The following LSM14A variants were observed in gnomAD, a reference collection of about 807,000 sequenced individuals.
LSM14A encodes the protein protein LSM14 homolog A.
Under a neutral mutation model 52.4 loss-of-function variants are expected in LSM14A, and 14 were observed. The ratio of observed to expected loss-of-function variants is 0.27; its 90% CI spans 0.18 to 0.42. The LOEUF (loss-of-function observed/expected upper bound fraction) is 0.42. Among genes scored for constraint, LSM14A ranks in the 10% least tolerant of loss-of-function variants. LSM14A has a pLI of 1.00. For synonymous variants in LSM14A, 185 were observed against 200.3 expected (o/e 0.92, Z 0.64); for missense variants, 417 against 581.8 (o/e 0.72, Z 2.91).
chr19:34,215,087 C>T, intron 4 of LSM14A, 37 bp from the exon 5 acceptor site: 1 of 1,548,816 alleles, frequency 6.5e-7, no homozygotes, highest in East Asian at 2.3e-5. Flanking sequence ...TTGAAATCCC[C>T]AATAGGGTAG....
intron 2 of LSM14A, among the ~76,000 whole-genome samples, chr19:34,195,997 A>G (rs1398653467): frequency 6.6e-6 from 1 of 152,212 alleles, no homozygotes; most frequent in Admixed American, 6.5e-5. Context: ...CAGTGAGTGT[A>G]TGTCCTGGTA....
chr19:34,174,592 C>CT (rs1303456381), intron 1 of LSM14A, among the ~76,000 whole-genome samples: 1 of 152,192 alleles, frequency 6.6e-6, no homozygotes, highest in East Asian at 1.9e-4. Context: ...TTATTAAAGA[C>CT]TTTCCCAGTG....
At chr19:34,187,208 C>T (rs1016094129) in intron 1 of LSM14A, among the ~76,000 whole-genome samples, 7 of 150,660 alleles carry the variant, frequency 4.6e-5, no homozygotes, top group African/African-American at 1.7e-4. Flanking sequence ...GAGATCGCGC[C>T]ACTGCACTCC....
intron 9 of LSM14A, chr19:34,226,293 T>C: frequency 9.4e-7 from 1 of 1,060,220 alleles, no homozygotes; most frequent in African/African-American, 1.7e-5. Flanking sequence ...CAACAAGGTG[T>C]CTGAATGACT....
intron 6 of LSM14A, among the ~76,000 whole-genome samples, chr19:34,218,284 G>A (rs1599718701): frequency 6.6e-6 from 1 of 152,244 alleles, no homozygotes; most frequent in Non-Finnish European, 1.5e-5. Context: ...GGTTACAGGC[G>A]TGAGCCACCG....
chr19:34,227,818 G>GTGTGTGTGTGTGTGTGTGTGTGTGTGTA lies in LSM14A; in HGVS notation c.*441_*442insGTGTGTGTGTGTGTGTATGTGTGTGTGT, dbSNP rs1359362417. On this transcript the variant is annotated 3_prime_UTR_variant, in exon 10 of 10. Transcript: ENST00000544216. ...TGTGTGTGTGTGTGTGTGTGTGTGT[G>GTGTGTGTGTGTGTGTGTGTGTGTGTGTA]TGTGTGTGTGTATGTGTGTGTCTTT... is the stretch of plus-strand genomic sequence containing the variant. 6.2e-6 allele frequency: 1 copy of GTGTGTGTGTGTGTGTGTGTGTGTGTGTA among 160,274 alleles called. No individual in the cohort carries two copies. The highest frequency in any genetic ancestry group is 1.8e-4 in the East Asian group (1 of 5,568). 9.9% of individuals were successfully genotyped at this position (160,274 alleles called of 1,614,324 possible). A position where few individuals can be genotyped will look rare whatever the true frequency, so the allele number is the denominator to read the frequency against.
At position 34,227,788 on chromosome 19, in the gene LSM14A, G is replaced by T. The variant is rs1230129118; in HGVS notation, c.*400G>T. ...TGATACTGTGTTTTGAGCCACAGAAGGTTGTGTGTGTGTGTGTGTGTGTGT... is the reference window on the plus strand; with the variant it reads ...TGATACTGTGTTTTGAGCCACAGAATGTTGTGTGTGTGTGTGTGTGTGTGT... On this transcript the variant is annotated 3_prime_UTR_variant, in exon 10 of 10. Transcript: ENST00000544216. 1 of 165,616 alleles carries T rather than the reference G, an allele frequency of 6.0e-6. No homozygotes were observed. Among genetic ancestry groups the T allele is most frequent in the Non-Finnish European group, 1.2e-5 (1 of 83,892 alleles). 10.3% of individuals were successfully genotyped at this position (165,616 alleles called of 1,614,324 possible). A position where few individuals can be genotyped will look rare whatever the true frequency, so the allele number is the denominator to read the frequency against.
Position 34,227,167 on chromosome 19 carries a change from A to G in LSM14A, c.1369-198A>G, listed in dbSNP as rs569471466. Among the ~76,000 whole-genome samples the G allele has an allele frequency of 3.2e-4, 49 of 152,324 alleles. No homozygotes were observed. The South Asian group carries it at 6.4e-3, about 20-fold the overall frequency. On this transcript the variant is annotated intron_variant, in intron 9 of 9. Coordinates refer to ENST00000544216, the MANE Select transcript of LSM14A (RefSeq NM_015578.4). ...TGCATTAACCTCTACTGACTGGAAG[A>G]TGCAGTCAACAATGAGGTACTACTG...
At chr19:34,226,634 A>T (rs1048338631) in intron 9 of LSM14A, among the ~76,000 whole-genome samples, 1 of 152,202 alleles carries the variant, frequency 6.6e-6, no homozygotes, top group African/African-American at 2.4e-5. Context: ...AGTCTCACCT[A>T]GGAAATGTCT....
At chr19:34,208,234 G>A (rs1252753867) in intron 3 of LSM14A, 2 of 152,162 alleles carry the variant, frequency 1.3e-5, no homozygotes, top group African/African-American at 4.8e-5. Flanking sequence ...TTGTGGAAGG[G>A]GGAGGTACTG....
chr19:34,189,081 C>T (rs550056796), intron 1 of LSM14A, among the ~76,000 whole-genome samples: 125 of 152,246 alleles, frequency 8.2e-4, no homozygotes, highest in Non-Finnish European at 1.0e-3. Flanking sequence ...AGGGTGGGGA[C>T]ATAAATATAA....
chr19:34,192,319 G>GTTGTTGTTTTTTTTTTTTTTTT (rs60512063), intron 1 of LSM14A, among the ~76,000 whole-genome samples: 1 of 53,410 alleles, frequency 1.9e-5, no homozygotes, highest in African/African-American at 8.1e-5. Context: ...TCTTTTTGTT[G>GTTGTTGTTTTTTTTTTTTTTTT]TTTTTTTTTT....
chr19:34,221,901 A>C, intron 9 of LSM14A, 163 bp downstream of exon 9: 1 of 1,335,722 alleles, frequency 7.5e-7, no homozygotes. Flanking sequence ...TGTATATATA[A>C]AGACATTATA....
chr19:34,217,066 C>T (rs891285854), intron 6 of LSM14A, among the ~76,000 whole-genome samples: 3 of 152,030 alleles, frequency 2.0e-5, no homozygotes, highest in Admixed American at 6.6e-5. Context: ...TTGAGATCAG[C>T]CTGGCCATAC....
chr19:34,220,927 G>A (rs943598010), intron 8 of LSM14A, among the ~76,000 whole-genome samples: 16 of 152,036 alleles, frequency 1.1e-4, no homozygotes, highest in African/African-American at 3.9e-4. Context: ...CATTATATCT[G>A]AATTTCCATT....
At chr19:34,197,441 T>C (rs1272965344) in intron 3 of LSM14A, among the ~76,000 whole-genome samples, 3 of 138,660 alleles carry the variant, frequency 2.2e-5, no homozygotes, top group East Asian at 2.0e-4. Flanking sequence ...CTTTTTTTTT[T>C]TTTTTTTTTT....
intron 1 of LSM14A, among the ~76,000 whole-genome samples, chr19:34,173,864 G>A (rs974367461): frequency 6.6e-6 from 1 of 152,162 alleles, no homozygotes; most frequent in East Asian, 1.9e-4. Context: ...TTTAAAAATC[G>A]TTAACAGATA....
Position 34,215,256 on chromosome 19 carries a change from C to T in LSM14A, c.671C>T (p.Pro224Leu). ...AGTCCTGTATCAACCAGGCCTTTGCCATCTGCCAGCCAAAAGGCAGGAGAG... is the reference window on the plus strand; with the variant it reads ...AGTCCTGTATCAACCAGGCCTTTGCTATCTGCCAGCCAAAAGGCAGGAGAG... ...RRSPVSTRPL[P>L]SASQKAGENQ... The change falls in exon 5 of 10, where the codon CCA becomes CTA. Residue 224 changes from proline (P) to leucine (L), a missense_variant. Around this residue, in one of 2 missense-constraint regions of LSM14A, gnomAD observed 357 missense variants for 457.0 expected, o/e 0.78. Transcript: ENST00000544216. 1 of 1,613,946 alleles carries T rather than the reference C, an allele frequency of 6.2e-7. No individual in the cohort carries two copies. The highest frequency in any genetic ancestry group is 1.1e-5 in the South Asian group (1 of 91,022).
Position 34,172,632 on chromosome 19 carries a change from G to C in LSM14A, c.-11G>C, listed in dbSNP as rs776855289. ...TCTCTGCGAGCAGCTGGGAGCGGCG[G>C]CGGCGGCGCCATGAGCGGGGGCACC... On this transcript the variant is annotated 5_prime_UTR_variant, in exon 1 of 10. Transcript: ENST00000544216. 6.4e-5 allele frequency: 99 copies of C among 1,555,288 alleles called. No homozygotes were observed. The highest frequency in any genetic ancestry group is 7.7e-5 in the Non-Finnish European group (89 of 1,153,542).
Sources: allele counts gnomAD v4.1 joint callset (sites outside exome capture counted in the v4.1 genomes callset), GRCh38; gene constraint gnomAD v4.1.1; regional missense constraint gnomAD v4.1.1; transcripts MANE v1.5; gene names NCBI Gene and HGNC (gene_info 2026-07-23, HGNC 2026-07-21).